The following ERC2 variants were observed in gnomAD, a reference collection of about 807,000 sequenced individuals.
ERC2 encodes the protein ELKS/RAB6-interacting/CAST family member 2, also known as ERC protein 2.
Under a neutral mutation model 114.8 loss-of-function variants are expected in ERC2, and 42 were observed. The ratio of observed to expected loss-of-function variants is 0.37; its 90% CI spans 0.29 to 0.47. The LOEUF (loss-of-function observed/expected upper bound fraction) is 0.47, where lower values mean the gene tolerates loss of function less well. Among genes scored for constraint, ERC2 ranks in the 20% least tolerant of loss-of-function variants. The pLI, the probability that ERC2 is intolerant of heterozygous loss-of-function variation, is 0.99. For synonymous variants in ERC2, 454 were observed against 425.5 expected (o/e 1.07, Z -0.82); for missense variants, 939 against 1,150.7 (o/e 0.82, Z 2.66).
intron 6 of ERC2, among the ~76,000 whole-genome samples, chr3:56,108,126 G>A (rs542865892): frequency 6.6e-6 from 1 of 152,182 alleles, no homozygotes; most frequent in South Asian, 2.1e-4. Context: ...ACATCAATAA[G>A]CAAAGTAAGA....
intron 13 of ERC2, among the ~76,000 whole-genome samples, chr3:55,931,896 C>A (rs979229772): frequency 2.0e-5 from 3 of 152,132 alleles, no homozygotes; most frequent in Non-Finnish European, 4.4e-5. Context: ...TGTGCATGTG[C>A]TTAAGCTGTT....
At chr3:55,832,750 T>A (rs2060664415) in intron 14 of ERC2, among the ~76,000 whole-genome samples, 1 of 152,204 alleles carries the variant, frequency 6.6e-6, no homozygotes, top group Admixed American at 6.5e-5. Flanking sequence ...GGAACAAAGC[T>A]GGACGGAGAA....
intron 6 of ERC2, among the ~76,000 whole-genome samples, chr3:56,136,875 T>A (rs1279338304): frequency 2.6e-5 from 4 of 152,134 alleles, no homozygotes; most frequent in Non-Finnish European, 5.9e-5. Flanking sequence ...AATCTCATAC[T>A]CCCAACTTCA....
At chr3:56,367,411 T>A (rs1180510289) in intron 2 of ERC2, among the ~76,000 whole-genome samples, 2 of 152,114 alleles carry the variant, frequency 1.3e-5, no homozygotes, top group Non-Finnish European at 2.9e-5. Context: ...TTTAGTTGCC[T>A]CTCTATACCC....
At chr3:55,973,763 A>G (rs1419498059) in intron 12 of ERC2, among the ~76,000 whole-genome samples, 2 of 152,222 alleles carry the variant, frequency 1.3e-5, no homozygotes, top group African/African-American at 4.8e-5. Context: ...GCAGTTTTCC[A>G]AGAAAGGCAC....
In ERC2 at chr3:56,434,500, T is replaced by C; in HGVS notation, c.508A>G (p.Ile170Val). The C allele has an allele frequency of 6.2e-7, 1 of 1,614,042 alleles. No individual in the cohort carries two copies. Among genetic ancestry groups the C allele is most frequent in the Non-Finnish European group, 8.5e-7 (1 of 1,179,892 alleles). The part of the protein sequence containing the change: ...ENDLLRKELD[I>V]KDSKLGSSMN... ...GAAGATCCCAATTTGCTGTCCTTGA[T>C]GTCTAGCTCTTTCCGGAGGAGGTCA... The change falls in exon 2 of 18, where the codon ATC becomes GTC. Residue 170 changes from isoleucine (I) to valine (V), a missense_variant. Coordinates refer to ENST00000288221, the MANE Select transcript of ERC2 (RefSeq NM_015576.3).
At chr3:56,045,606 C>T (rs771205549) in intron 7 of ERC2, among the ~76,000 whole-genome samples, 8 of 152,092 alleles carry the variant, frequency 5.3e-5, no homozygotes, top group South Asian at 2.1e-4. Context: ...AAATGCTATA[C>T]GGTAACTTTG....
chr3:55,513,625 T>C lies in ERC2; in HGVS notation c.*40-2349A>G, dbSNP rs183107688. On this transcript the variant is annotated intron_variant, in intron 17 of 17. Transcript: ENST00000288221. ...AATAGAGCGTGTGTGCATGTATGTA[T>C]ATATATATATACATATCTTTTATTT... Among the ~76,000 whole-genome samples the C allele has an allele frequency of 5.9e-4, 90 of 151,468 alleles. 2 individuals carry two copies. In the East Asian group the frequency reaches 0.016, roughly 26 times the overall value.
At chr3:55,681,755 G>A (rs1224759500) in intron 17 of ERC2, among the ~76,000 whole-genome samples, 4 of 152,148 alleles carry the variant, frequency 2.6e-5, no homozygotes, top group South Asian at 2.1e-4. Context: ...GGAAATTCAC[G>A]AAGAAATAAA....
intron 13 of ERC2, among the ~76,000 whole-genome samples, chr3:55,943,332 C>T (rs1179308890): frequency 4.6e-5 from 7 of 152,170 alleles, no homozygotes. Context: ...AATGATACTG[C>T]ACGTGTTATG....
chr3:56,293,816 G>A (rs375078636), intron 3 of ERC2, among the ~76,000 whole-genome samples: 57 of 152,258 alleles, frequency 3.7e-4, no homozygotes, highest in African/African-American at 1.3e-3. Context: ...GCCAATCTCA[G>A]AAAACCCAAG....
chr3:56,399,124 A>ATCATGGTAT (rs1407072614), intron 2 of ERC2, among the ~76,000 whole-genome samples: 1 of 152,214 alleles, frequency 6.6e-6, no homozygotes, highest in Non-Finnish European at 1.5e-5. Flanking sequence ...GGGCTCAAAC[A>ATCATGGTAT]TCATGCTATT....
At chr3:56,333,983 T>A (rs2057744759) in intron 2 of ERC2, among the ~76,000 whole-genome samples, 1 of 152,248 alleles carries the variant, frequency 6.6e-6, no homozygotes, top group Non-Finnish European at 1.5e-5. Context: ...ATCTTATTAA[T>A]CTTTGAATCT....
chr3:56,402,760 A>AT (rs2060568552), intron 2 of ERC2, among the ~76,000 whole-genome samples: 1 of 151,758 alleles, frequency 6.6e-6, no homozygotes, highest in Non-Finnish European at 1.5e-5. Context: ...GGTTGGTTGT[A>AT]TTTTTTTTCT....
chr3:55,626,326 A>G (rs2059522269), intron 17 of ERC2, among the ~76,000 whole-genome samples: 1 of 152,230 alleles, frequency 6.6e-6, no homozygotes, highest in South Asian at 2.1e-4. Context: ...ATCAGCACCA[A>G]TGATTAGCCC....
intron 3 of ERC2, among the ~76,000 whole-genome samples, chr3:56,283,999 A>G (rs1470451377): frequency 6.6e-6 from 1 of 152,274 alleles, no homozygotes; most frequent in Non-Finnish European, 1.5e-5. Flanking sequence ...GCAAAAAAAG[A>G]ACTCTGCTTC....
chr3:56,313,164 C>G (rs1450605680), intron 2 of ERC2, among the ~76,000 whole-genome samples: 3 of 148,582 alleles, frequency 2.0e-5, no homozygotes, highest in African/African-American at 7.4e-5. Context: ...GAAAATATAC[C>G]ACAGTGATCA....
chr3:55,695,307 T>A (rs900650088), intron 16 of ERC2, among the ~76,000 whole-genome samples: 3 of 152,210 alleles, frequency 2.0e-5, no homozygotes, highest in South Asian at 2.1e-4. Flanking sequence ...CCATGGCCAC[T>A]TCTTGCTTTG....
intron 17 of ERC2, among the ~76,000 whole-genome samples, chr3:55,561,020 G>A (rs1559655214): frequency 6.6e-6 from 1 of 152,158 alleles, no homozygotes; most frequent in East Asian, 1.9e-4. Flanking sequence ...TTCATGGCTT[G>A]GGAAACCTGA....
Sources: allele counts gnomAD v4.1 joint callset (sites outside exome capture counted in the v4.1 genomes callset), GRCh38; gene constraint gnomAD v4.1.1; transcripts MANE v1.5; gene names NCBI Gene and HGNC (gene_info 2026-07-23, HGNC 2026-07-21).